The following PSME4 variants were observed in gnomAD, a reference collection of about 807,000 sequenced individuals.
PSME4 encodes the protein proteasome activator complex subunit 4.
Under a neutral mutation model 253.9 loss-of-function variants are expected in PSME4, and 89 were observed. The ratio of observed to expected loss-of-function variants is 0.35; its 90% confidence interval spans 0.30 to 0.42. PSME4 has a LOEUF of 0.42. Ranked by LOEUF, PSME4 falls within the 10% of genes least tolerant of loss-of-function variation. The probability of loss-of-function intolerance (pLI) is 1.00; values close to 1 mark genes in which losing one functional copy is unlikely to be tolerated. For synonymous variants in PSME4, 851 were observed against 759.2 expected, an observed-to-expected ratio of 1.12 and a Z score of -1.99; for missense variants, 2,014 against 2,195.2, an observed-to-expected ratio of 0.92 and a Z score of 1.65.
intron 41 of PSME4, among the ~76,000 whole-genome samples, chr2:53,880,574 C>T (rs992898010): frequency 4.6e-5 from 7 of 152,020 alleles, no homozygotes; most frequent in Admixed American, 1.3e-4. Flanking sequence ...AACGATGGTA[C>T]AATTTAGTCA....
intron 26 of PSME4, among the ~76,000 whole-genome samples, chr2:53,904,864 T>C (rs998231926): frequency 1.3e-5 from 2 of 151,488 alleles, no homozygotes; most frequent in African/African-American, 4.9e-5. Flanking sequence ...GGTGCGTGCC[T>C]GTAGTCCCAG....
At chr2:53,970,085 G>A (rs1670978291) in intron 1 of PSME4, among the ~76,000 whole-genome samples, 1 of 152,208 alleles carries the variant, frequency 6.6e-6, no homozygotes, top group African/African-American at 2.4e-5. Flanking sequence ...CAACGGAGAT[G>A]CGAAGAGGCG....
chr2:53,953,713 C>A (rs1573368026), intron 1 of PSME4, among the ~76,000 whole-genome samples: 1 of 151,586 alleles, frequency 6.6e-6, no homozygotes, highest in East Asian at 1.9e-4. Context: ...AGCTTAAGTT[C>A]AAAAACCCTA....
At chr2:53,939,905 G>C in intron 4 of PSME4, 51 bp downstream of exon 4, 12 of 1,466,496 alleles carry the variant, frequency 8.2e-6, no homozygotes, top group Non-Finnish European at 1.1e-5. Context: ...TAAAGATGTG[G>C]AAAAGCCCAC....
intron 26 of PSME4, 127 bp downstream of exon 26, chr2:53,906,471 C>T (rs1468673340): frequency 3.8e-6 from 5 of 1,329,890 alleles, no homozygotes; most frequent in Non-Finnish European, 4.9e-6. Flanking sequence ...TTACAATTTC[C>T]AATAATTGAG....
intron 41 of PSME4, 21 bp downstream of exon 41, chr2:53,885,669 T>C: frequency 6.4e-7 from 1 of 1,573,922 alleles, no homozygotes; most frequent in Non-Finnish European, 8.7e-7. Context: ...AGATGCATTC[T>C]TAATTTCAGC....
At chr2:53,881,211 G>T (rs896032145) in intron 41 of PSME4, among the ~76,000 whole-genome samples, 2 of 151,986 alleles carry the variant, frequency 1.3e-5, no homozygotes, top group Non-Finnish European at 2.9e-5. Context: ...CCTGATTATT[G>T]AAAAAAATAG....
At chr2:53,900,072 G>C in intron 28 of PSME4, 55 bp from the exon 29 acceptor site, 1 of 1,480,798 alleles carries the variant, frequency 6.8e-7, no homozygotes, top group East Asian at 2.3e-5. Flanking sequence ...CATACTACCT[G>C]AACGAACCTT....
chr2:53,928,651 G>A (rs1185362578), intron 10 of PSME4, among the ~76,000 whole-genome samples: 1 of 151,990 alleles, frequency 6.6e-6, no homozygotes, highest in Non-Finnish European at 1.5e-5. Flanking sequence ...ACTATCACAG[G>A]TATGCATGCA....
chr2:53,873,400 C>T (rs1678986207), intron 43 of PSME4, among the ~76,000 whole-genome samples: 1 of 151,832 alleles, frequency 6.6e-6, no homozygotes, highest in East Asian at 1.9e-4. Flanking sequence ...ATTTTCAATA[C>T]CAATAAGTAT....
At chr2:53,891,969 G>A (rs577754317) in intron 36 of PSME4, among the ~76,000 whole-genome samples, 9 of 152,160 alleles carry the variant, frequency 5.9e-5, no homozygotes, top group African/African-American at 2.2e-4. Context: ...TCAATCAGCA[G>A]GAAGGGTTTG....
intron 27 of PSME4, among the ~76,000 whole-genome samples, chr2:53,903,536 C>T (rs1244423831): frequency 6.6e-6 from 1 of 152,092 alleles, no homozygotes; most frequent in African/African-American, 2.4e-5. Flanking sequence ...TTCTCTACTC[C>T]AATTGCATAA....
In PSME4 at chr2:53,923,037, CT is replaced by C. The variant is rs1308431480; in HGVS notation, c.1978+11del. ...AAAATTGTAAAGAGAGAATAATGAC[CT>C]TATGACTTACTCATTGTAAGCTGAG... On this transcript the variant is annotated intron_variant, in intron 16 of 46. Transcript: ENST00000404125. 1 of 1,534,184 alleles carries C rather than the reference CT, an allele frequency of 6.5e-7. No homozygotes were observed. Among genetic ancestry groups the C allele is most frequent in the African/African-American group, 1.4e-5 (1 of 71,824 alleles).
chr2:53,872,552 G>A (rs1678925233), intron 43 of PSME4, among the ~76,000 whole-genome samples: 1 of 151,678 alleles, frequency 6.6e-6, no homozygotes, highest in Admixed American at 6.6e-5. Context: ...ACCAGCCTGG[G>A]CAGTATGGCA....
At chr2:53,894,732 A>G (rs559737915) in intron 34 of PSME4, among the ~76,000 whole-genome samples, 128 of 152,364 alleles carry the variant, frequency 8.4e-4, no homozygotes, top group Non-Finnish European at 1.4e-3. Context: ...AACTGATACA[A>G]GAAATGAGCA....
chr2:53,868,522 A>AAT (rs553610670), intron 44 of PSME4, among the ~76,000 whole-genome samples: 2 of 56,544 alleles, frequency 3.5e-5, no homozygotes, highest in South Asian at 8.3e-4. Flanking sequence ...ATATATTTAT[A>AAT]ATATATATAA....
chr2:53,911,093 A>G (rs1667809869), intron 20 of PSME4, among the ~76,000 whole-genome samples: 1 of 152,146 alleles, frequency 6.6e-6, no homozygotes, highest in African/African-American at 2.4e-5. Flanking sequence ...GGTTATCTCT[A>G]CCTTAATATT....
chr2:53,905,456 C>T (rs780824586), intron 26 of PSME4, among the ~76,000 whole-genome samples: 2 of 152,078 alleles, frequency 1.3e-5, no homozygotes, highest in Non-Finnish European at 2.9e-5. Context: ...ATCCCAATAC[C>T]ATGGGAGGCC....
chr2:53,926,229 G>T (rs1251085877), intron 12 of PSME4, among the ~76,000 whole-genome samples: 1 of 152,172 alleles, frequency 6.6e-6, no homozygotes, highest in Non-Finnish European at 1.5e-5. Flanking sequence ...AAAGAAAGAA[G>T]AAATTAATGT....
Sources: gnomAD v4.1 joint callset for allele counts (sites outside exome capture counted in the v4.1 genomes callset) on GRCh38, gnomAD v4.1.1 for gene constraint, MANE v1.5 for transcripts, NCBI Gene and HGNC (gene_info 2026-07-23, HGNC 2026-07-21) for gene names.